Variants in CSGALNACT1 observed in about 807,000 individuals in gnomAD.
CSGALNACT1 encodes the protein chondroitin sulfate N-acetylgalactosaminyltransferase 1, also known as beta4GalNAcT-1.
A neutral mutation model predicts 51.0 loss-of-function variants in CSGALNACT1; 52 were observed. The ratio of observed to expected loss-of-function variants is 1.02; its 90% CI spans 0.82 to 1.29. The LOEUF is 1.29. Ranked by LOEUF, CSGALNACT1 falls within the 50% of genes most tolerant of loss-of-function variation. The pLI is 0.00. For synonymous variants in CSGALNACT1, 341 were observed against 254.4 expected (o/e 1.34, Z -3.24); for missense variants, 935 against 679.2 (o/e 1.38, Z -4.19).
At chr8:19,738,529 T>C (rs923360639) in intron 1 of CSGALNACT1, among the ~76,000 whole-genome samples, 2 of 152,120 alleles carry the variant, frequency 1.3e-5, no homozygotes, top group Non-Finnish European at 2.9e-5. Flanking sequence ...TTTGGAGACA[T>C]GAAAAAAGTT....
At chr8:19,512,555 A>C (rs576606520) in intron 3 of CSGALNACT1, among the ~76,000 whole-genome samples, 21 of 152,352 alleles carry the variant, frequency 1.4e-4, no homozygotes, top group African/African-American at 5.0e-4. Flanking sequence ...ACTATTTTTC[A>C]TTTTATAAAA....
intron 3 of CSGALNACT1, among the ~76,000 whole-genome samples, chr8:19,552,129 G>C (rs1354225279): frequency 1.3e-5 from 2 of 152,162 alleles, no homozygotes; most frequent in Non-Finnish European, 2.9e-5. Flanking sequence ...TGGCTTAAAA[G>C]AGCTAAACAA....
At chr8:19,676,083 T>TAAAAAAAAAAAAAAAAAAAAAA (rs1564404826) in intron 1 of CSGALNACT1, among the ~76,000 whole-genome samples, 1 of 59,098 alleles carries the variant, frequency 1.7e-5, no homozygotes, top group African/African-American at 4.7e-5. Flanking sequence ...GTTGTCTGAT[T>TAAAAAAAAAAAAAAAAAAAAAA]TAAAAAACAA....
At chr8:19,756,897 G>A (rs892996424) in intron 1 of CSGALNACT1, among the ~76,000 whole-genome samples, 14 of 151,924 alleles carry the variant, frequency 9.2e-5, no homozygotes, top group African/African-American at 3.1e-4. Flanking sequence ...CAGCGGCCCC[G>A]GACCCTCCCT....
At chr8:19,673,730 A>G (rs1000712680) in intron 1 of CSGALNACT1, among the ~76,000 whole-genome samples, 1 of 152,218 alleles carries the variant, frequency 6.6e-6, no homozygotes, top group African/African-American at 2.4e-5. Context: ...ATCTTAGCAC[A>G]CTTGTTACCA....
upstream of CSGALNACT1, chr8:19,682,769 C>A (rs558001807): frequency 2.2e-6 from 1 of 454,046 alleles, no homozygotes; most frequent in Admixed American, 2.3e-5. Context: ...CCCGTCTGCC[C>A]AAGTTTGAGG....
At chr8:19,583,078 A>G (rs545469869) in intron 3 of CSGALNACT1, among the ~76,000 whole-genome samples, 8 of 152,154 alleles carry the variant, frequency 5.3e-5, no homozygotes, top group Non-Finnish European at 8.8e-5. Context: ...CTTTAAACAC[A>G]TGCAATTTTT....
At chr8:19,608,652 T>C (rs1281725392) in intron 1 of CSGALNACT1, among the ~76,000 whole-genome samples, 2 of 152,170 alleles carry the variant, frequency 1.3e-5, no homozygotes, top group Non-Finnish European at 2.9e-5. Flanking sequence ...AGAACACAAG[T>C]TTGAGATGCA....
At chr8:19,464,801 T>C (rs1038643397) in intron 4 of CSGALNACT1, among the ~76,000 whole-genome samples, 3 of 152,266 alleles carry the variant, frequency 2.0e-5, no homozygotes, top group African/African-American at 7.2e-5. Flanking sequence ...GGAATTGTCT[T>C]CCACAAAACT....
Position 19,611,454 on chromosome 8 carries a change from T to G in CSGALNACT1, c.-543-9589A>C, listed in dbSNP as rs142912178. Among the ~76,000 whole-genome samples the G allele has an allele frequency of 5.2e-4, 79 of 152,338 alleles. 2 individuals carry two copies. The East Asian group carries it at 0.013, about 26-fold the overall frequency. ...ACTTGCTGTAAACCACGCCCCAATCTAATGGATTATCCTATTTAATTCTCA... is the reference window on the plus strand; with the variant it reads ...ACTTGCTGTAAACCACGCCCCAATCGAATGGATTATCCTATTTAATTCTCA... On this transcript the variant is annotated intron_variant, in intron 1 of 9. Coordinates refer to the CSGALNACT1 transcript ENST00000332246.
intron 1 of CSGALNACT1, among the ~76,000 whole-genome samples, chr8:19,646,983 C>T (rs747822597): frequency 2.0e-5 from 3 of 152,140 alleles, no homozygotes; most frequent in African/African-American, 7.2e-5. Flanking sequence ...CTCCTTTGGC[C>T]TGTAAAACAT....
intron 1 of CSGALNACT1, among the ~76,000 whole-genome samples, chr8:19,752,380 T>G (rs2065096959): frequency 6.6e-6 from 1 of 152,066 alleles, no homozygotes; most frequent in African/African-American, 2.4e-5. Flanking sequence ...GCACCCGACA[T>G]GGAACAGTCT....
intron 3 of CSGALNACT1, among the ~76,000 whole-genome samples, chr8:19,540,054 A>C (rs2084730950): frequency 6.6e-6 from 1 of 152,184 alleles, no homozygotes; most frequent in Non-Finnish European, 1.5e-5. Context: ...GCCACAAAAG[A>C]CTAAAGATCA....
intron 3 of CSGALNACT1, among the ~76,000 whole-genome samples, chr8:19,582,183 A>G (rs892944216): frequency 6.6e-6 from 1 of 152,232 alleles, no homozygotes; most frequent in East Asian, 1.9e-4. Context: ...GCAAGTGACT[A>G]TATTCCTCCA....
At chr8:19,568,417 T>G (rs1017438669) in intron 3 of CSGALNACT1, among the ~76,000 whole-genome samples, 4 of 152,176 alleles carry the variant, frequency 2.6e-5, no homozygotes, top group African/African-American at 9.7e-5. Flanking sequence ...TGATTCATCA[T>G]TGACCCAGAC....
chr8:19,750,207 C>T (rs1391505227), intron 1 of CSGALNACT1, among the ~76,000 whole-genome samples: 1 of 152,218 alleles, frequency 6.6e-6, no homozygotes, highest in African/African-American at 2.4e-5. Context: ...ACCATAGGTA[C>T]CTCTCTTGGG....
At position 19,666,809 on chromosome 8, in the gene CSGALNACT1, A is replaced by AAGAAAGAGAG. The variant is rs1564383214; in HGVS notation, c.-544+15663_-544+15664insCTCTCTTTCT. 1.9e-3 allele frequency among the ~76,000 whole-genome samples: 48 copies of AAGAAAGAGAG among 25,102 alleles called. 4 individuals carry two copies. Among genetic ancestry groups the AAGAAAGAGAG allele is most frequent in the East Asian group, 8.5e-3 (9 of 1,058 alleles). The allele number at this position is 25,102 out of a possible 152,430, so 16.5% of individuals were successfully genotyped here. ...AAAGAAAGAAAGAAAGAAAGAAAGA[A>AAGAAAGAGAG]AGAGAGAGAGAGAGAGAGAGAGAGA... On this transcript the variant is annotated intron_variant, in intron 1 of 9. Coordinates refer to the CSGALNACT1 transcript ENST00000332246.
intron 4 of CSGALNACT1, among the ~76,000 whole-genome samples, chr8:19,490,389 G>C (rs920444354): frequency 2.0e-5 from 3 of 152,168 alleles, no homozygotes; most frequent in Admixed American, 6.5e-5. Context: ...TCAAGGGAAG[G>C]AAGAAGAGGT....
intron 3 of CSGALNACT1, chr8:19,587,934 T>G (rs1258900800): frequency 6.6e-6 from 1 of 152,210 alleles, no homozygotes; most frequent in African/African-American, 2.4e-5. Flanking sequence ...CTCACGGCTG[T>G]AATCCCAGTG....
Sources: allele counts gnomAD v4.1 joint callset (sites outside exome capture counted in the v4.1 genomes callset), GRCh38; gene constraint gnomAD v4.1.1; transcripts MANE v1.5; gene names NCBI Gene and HGNC (gene_info 2026-07-23, HGNC 2026-07-21).